Variants in HGSNAT observed in about 807,000 individuals in gnomAD.
HGSNAT encodes the protein transmembrane protein 76.
HGSNAT carries 59 observed loss-of-function variants against 85.2 expected under a neutral mutation model. The observed-to-expected ratio is 0.69, with a 90% CI of 0.56 to 0.86. The LOEUF (loss-of-function observed/expected upper bound fraction) is 0.86. Ranked by LOEUF, HGSNAT falls within the 40% of genes least tolerant of loss-of-function variation. The pLI is 0.00. For missense variants in HGSNAT, 756 were observed against 777.1 expected, an observed-to-expected ratio of 0.97 and a Z score of 0.32; for synonymous variants, 321 against 304.5, an observed-to-expected ratio of 1.05 and a Z score of -0.56.
At chr8:43,141,238 GCCCTCCGCGCGTCTC>G (rs1802523621) in intron 1 of HGSNAT, among the ~76,000 whole-genome samples, 1 of 152,262 alleles carries the variant, frequency 6.6e-6, no homozygotes, top group South Asian at 2.1e-4. Flanking sequence ...TCCCGGGCGA[GCCCTCCGCGCGTCTC>G]CCCTCGGCGC....
At chr8:43,148,199 G>A (rs911939684) in intron 2 of HGSNAT, among the ~76,000 whole-genome samples, 3 of 151,876 alleles carry the variant, frequency 2.0e-5, no homozygotes, top group African/African-American at 7.3e-5. Context: ...CCGAGATCGC[G>A]CCATTGCTCT....
Position 43,197,027 on chromosome 8 carries a change from T to TA in HGSNAT, c.1542+4dup, listed in dbSNP as rs1401818080. 27 of 1,596,544 alleles carry TA rather than the reference T, an allele frequency of 1.7e-5. No individual in the cohort carries two copies. Among genetic ancestry groups the TA allele is most frequent in the Non-Finnish European group, 2.1e-5 (24 of 1,164,448 alleles). ...TTCACTGCTTGGTGTTGTATTCTTG[T>TA]AAGTAAGCAGCATTCCTCGCTAAAA... On this transcript the variant is annotated splice_region_variant and intron_variant, in intron 15 of 17. Transcript: ENST00000379644.
rs188368256 is a variant in HGSNAT at position 43,194,646 on chromosome 8, G to A, written c.1464+803G>A. On this transcript the variant is annotated intron_variant, in intron 14 of 17. Transcript: ENST00000379644. ...CTTGATTGGGGCATGTCCTTCAGGG[G>A]GGACAAATGCTGTGTCCTCACACGG... The A allele has an allele frequency of 4.2e-3, 1,531 of 365,678 alleles. 4 individuals carry two copies. Among genetic ancestry groups the A allele is most frequent in the Non-Finnish European group, 5.4e-3 (1,427 of 263,544 alleles). The allele number at this position is 365,678 out of a possible 1,614,324, so 22.7% of individuals were successfully genotyped here. A position where few individuals can be genotyped will look rare whatever the true frequency, so the allele number is the denominator to read the frequency against.
chr8:43,189,647 C>T (rs538878466), intron 11 of HGSNAT, among the ~76,000 whole-genome samples: 10 of 152,306 alleles, frequency 6.6e-5, no homozygotes, highest in South Asian at 2.1e-4. Context: ...GAGATGAACC[C>T]GGTACCTCAG....
chr8:43,147,624 A>G (rs1296016630), intron 2 of HGSNAT, among the ~76,000 whole-genome samples: 1 of 152,224 alleles, frequency 6.6e-6, no homozygotes, highest in Non-Finnish European at 1.5e-5. Context: ...TTGGAGGCCA[A>G]TATCCTAAGT....
At chr8:43,197,289 G>T in intron 15 of HGSNAT, 1 of 554,326 alleles carries the variant, frequency 1.8e-6, no homozygotes. Flanking sequence ...TATGGGCTCT[G>T]TGTGGAGAGG....
chr8:43,174,231 A>G (rs547853871), intron 9 of HGSNAT: 1 of 151,982 alleles, frequency 6.6e-6, no homozygotes, highest in African/African-American at 2.4e-5. Context: ...AAAAAAAAAT[A>G]AAAAAAATAA....
intron 2 of HGSNAT, among the ~76,000 whole-genome samples, chr8:43,154,180 T>G (rs775093664): frequency 6.6e-6 from 1 of 152,206 alleles, no homozygotes; most frequent in Non-Finnish European, 1.5e-5. Context: ...TGTAGCAAGA[T>G]AGACTTGTAT....
chr8:43,182,546 C>A, intron 11 of HGSNAT: 1 of 419,016 alleles, frequency 2.4e-6, no homozygotes, highest in Non-Finnish European at 4.5e-6. Context: ...CAGGCTTAAG[C>A]GATCCTCCCT....
At chr8:43,149,421 G>A (rs1018797784) in intron 2 of HGSNAT, among the ~76,000 whole-genome samples, 17 of 151,970 alleles carry the variant, frequency 1.1e-4, no homozygotes, top group African/African-American at 2.9e-4. Context: ...ATTTTAGGCC[G>A]GGCGCGGTGG....
intron 11 of HGSNAT, among the ~76,000 whole-genome samples, chr8:43,184,890 A>G (rs776275851): frequency 6.6e-6 from 1 of 152,186 alleles, no homozygotes. Context: ...TTATTAAATA[A>G]GGAATCCTTT....
At chr8:43,193,383 A>T (rs553614826) in intron 13 of HGSNAT, among the ~76,000 whole-genome samples, 17 of 152,358 alleles carry the variant, frequency 1.1e-4, no homozygotes, top group African/African-American at 3.8e-4. Flanking sequence ...TTGTTGCTAC[A>T]GTAGGGTTGA....
At chr8:43,174,225 AAAAAT>A (rs1803733837) in intron 9 of HGSNAT, 1 of 152,336 alleles carries the variant, frequency 6.6e-6, no homozygotes, top group Non-Finnish European at 1.5e-5. Flanking sequence ...TCAAAAAAAA[AAAAAT>A]AAAAAAAATA....
At chr8:43,140,708 G>A in intron 1 of HGSNAT, 94 bp downstream of exon 1, 3 of 543,710 alleles carry the variant, frequency 5.5e-6, no homozygotes, top group East Asian at 7.2e-5. Flanking sequence ...GGCGCCGAGC[G>A]CTAGGCCGGG....
At chr8:43,154,734 A>G (rs1803037151) in intron 2 of HGSNAT, among the ~76,000 whole-genome samples, 1 of 152,148 alleles carries the variant, frequency 6.6e-6, no homozygotes, top group African/African-American at 2.4e-5. Context: ...GTCAAATGGT[A>G]TTTCTAGTTC....
At chr8:43,170,440 A>G (rs1268877984) in intron 6 of HGSNAT, 145 bp from the exon 7 acceptor site, 2 of 713,688 alleles carry the variant, frequency 2.8e-6, no homozygotes, top group Non-Finnish European at 4.8e-6. Context: ...AGGTCTTGCC[A>G]TTGCACTCCA....
chr8:43,157,091 A>G (rs1047825526), intron 2 of HGSNAT, among the ~76,000 whole-genome samples: 3 of 152,240 alleles, frequency 2.0e-5, no homozygotes, highest in Admixed American at 2.0e-4. Context: ...ATATAGCAGG[A>G]TGAAACAGAA....
chr8:43,190,153 C>CATCTCATTT (rs1403353814), intron 11 of HGSNAT, among the ~76,000 whole-genome samples: 1 of 152,146 alleles, frequency 6.6e-6, no homozygotes, highest in Non-Finnish European at 1.5e-5. Context: ...GTCGGAGTCC[C>CATCTCATTT]ATCTCATTTG....
At chr8:43,173,882 A>G (rs1019715218) in intron 9 of HGSNAT, 139 bp downstream of exon 9, 1 of 870,714 alleles carries the variant, frequency 1.1e-6, no homozygotes, top group Non-Finnish European at 1.8e-6. Context: ...GTTACTGGAT[A>G]GTTCTCATAC....
Sources: gnomAD v4.1 joint callset for allele counts (sites outside exome capture counted in the v4.1 genomes callset) on GRCh38, gnomAD v4.1.1 for gene constraint, MANE v1.5 for transcripts, NCBI Gene and HGNC (gene_info 2026-07-23, HGNC 2026-07-21) for gene names.